The following BICC1 variants were observed in gnomAD, a reference collection of about 807,000 sequenced individuals.
The protein encoded by BICC1 is protein bicaudal C homolog 1.
A neutral mutation model predicts 111.0 loss-of-function variants in BICC1; 43 were observed. The ratio of observed to expected loss-of-function variants is 0.39; its 90% CI spans 0.30 to 0.50. The LOEUF is 0.50. Among genes scored for constraint, BICC1 ranks in the 20% least tolerant of loss-of-function variants. BICC1 has a pLI of 0.88. For synonymous variants in BICC1, 467 were observed against 434.4 expected (o/e 1.07, Z -0.93); for missense variants, 1,091 against 1,203.2 (o/e 0.91, Z 1.38).
chr10:58,560,236 C>G (rs1843566774), intron 1 of BICC1, among the ~76,000 whole-genome samples: 1 of 151,870 alleles, frequency 6.6e-6, no homozygotes, highest in African/African-American at 2.4e-5. Flanking sequence ...GACTCAATCT[C>G]CTTACTCATT....
chr10:58,648,490 T>G (rs1178219080), intron 2 of BICC1: 2 of 984,266 alleles, frequency 2.0e-6, no homozygotes, highest in Admixed American at 6.2e-5. Context: ...TACTCTTGTA[T>G]GCTGGCCACT....
intron 3 of BICC1, among the ~76,000 whole-genome samples, chr10:58,767,998 G>T (rs72804407): frequency 0.057 from 8,730 of 152,040 alleles, 585 homozygotes; most frequent in African/African-American, 0.17. Context: ...GTCTTCAAAG[G>T]AGAAAAGAAA....
intron 3 of BICC1, among the ~76,000 whole-genome samples, chr10:58,757,846 A>C (rs1664374666): frequency 6.6e-6 from 1 of 152,114 alleles, no homozygotes; most frequent in Admixed American, 6.5e-5. Flanking sequence ...TGTACAGCTG[A>C]CCTTTACATC....
intron 3 of BICC1, among the ~76,000 whole-genome samples, chr10:58,720,495 G>A (rs907541887): frequency 1.3e-5 from 2 of 152,218 alleles, no homozygotes; most frequent in African/African-American, 4.8e-5. Context: ...AAGAGTGCAA[G>A]TCACAGCTAA....
At chr10:58,627,272 A>C (rs901179578) in intron 2 of BICC1, among the ~76,000 whole-genome samples, 1 of 152,246 alleles carries the variant, frequency 6.6e-6, no homozygotes, top group African/African-American at 2.4e-5. Flanking sequence ...ATGAAATTGA[A>C]TTCATGAAAA....
At chr10:58,683,499 C>T (rs1430229531) in intron 2 of BICC1, among the ~76,000 whole-genome samples, 1 of 152,148 alleles carries the variant, frequency 6.6e-6, no homozygotes, top group Non-Finnish European at 1.5e-5. Context: ...GATATTGATT[C>T]TTCCTATCCA....
chr10:58,523,453 C>G (rs1842447044), intron 1 of BICC1, among the ~76,000 whole-genome samples: 1 of 152,138 alleles, frequency 6.6e-6, no homozygotes, highest in African/African-American at 2.4e-5. Flanking sequence ...CGACAAAAAC[C>G]ATATGATTAT....
chr10:58,648,759 G>A (rs1564530787), intron 2 of BICC1: 6 of 625,030 alleles, frequency 9.6e-6, no homozygotes, highest in Non-Finnish European at 1.2e-5. Flanking sequence ...TAATCATGAT[G>A]ACTCCTGATC....
chr10:58,608,964 C>T (rs532278403), intron 1 of BICC1, among the ~76,000 whole-genome samples: 1 of 152,306 alleles, frequency 6.6e-6, no homozygotes, highest in East Asian at 1.9e-4. Context: ...GAGAAAATAG[C>T]AAAACAGACT....
At chr10:58,802,394 G>T (rs903252327) in intron 14 of BICC1, among the ~76,000 whole-genome samples, 7 of 152,316 alleles carry the variant, frequency 4.6e-5, no homozygotes, top group African/African-American at 1.7e-4. Flanking sequence ...AAACAAAACA[G>T]TACTTGATTG....
chr10:58,817,514 T>C, intron 18 of BICC1, 48 bp from the exon 19 acceptor site: 1 of 1,604,940 alleles, frequency 6.2e-7, no homozygotes, highest in South Asian at 1.1e-5. Context: ...TAAACCATGT[T>C]CTCTCTGGGC....
rs575178424 is a variant in BICC1, at chr10:58,651,923, G to T, written c.237+31022G>T. Among the ~76,000 whole-genome samples the T allele has an allele frequency of 5.9e-5, 9 of 152,130 alleles. No homozygotes were observed. In the South Asian group the frequency reaches 1.9e-3, roughly 32 times the overall value. On this transcript the variant is annotated intron_variant, in intron 2 of 20. Transcript: ENST00000373886. The stretch of plus-strand genomic sequence containing the variant: ...TTTCTTGAGATAACAGGATTAAGAT[G>T]GTTGAAAAGTCATGTTAATTGCTCA...
intron 1 of BICC1, among the ~76,000 whole-genome samples, chr10:58,520,789 C>T (rs1224158519): frequency 2.0e-5 from 3 of 151,948 alleles, no homozygotes; most frequent in Non-Finnish European, 1.5e-5. Flanking sequence ...AAAGAAAAAC[C>T]AAGTCATCCC....
intron 3 of BICC1, among the ~76,000 whole-genome samples, chr10:58,730,597 CT>C (rs1185943923): frequency 6.6e-6 from 1 of 152,098 alleles, no homozygotes; most frequent in Non-Finnish European, 1.5e-5. Flanking sequence ...GGCTCTGCCC[CT>C]GTAGCAGGCT....
chr10:58,688,670 C>T (rs1385042807), intron 2 of BICC1, among the ~76,000 whole-genome samples: 1 of 152,138 alleles, frequency 6.6e-6, no homozygotes, highest in Non-Finnish European at 1.5e-5. Flanking sequence ...GAAAATATGG[C>T]ATATATACAC....
intron 3 of BICC1, among the ~76,000 whole-genome samples, chr10:58,744,972 A>G (rs749962776): frequency 6.6e-6 from 1 of 152,108 alleles, no homozygotes. Flanking sequence ...GAGTGTTTTT[A>G]TTTGGGCTAC....
chr10:58,637,198 C>A (rs530710768), intron 2 of BICC1, among the ~76,000 whole-genome samples: 1 of 152,108 alleles, frequency 6.6e-6, no homozygotes, highest in Non-Finnish European at 1.5e-5. Flanking sequence ...ATTTCCTTCT[C>A]GAGTGAAGAT....
intron 3 of BICC1, among the ~76,000 whole-genome samples, chr10:58,761,071 T>A (rs1285371370): frequency 6.6e-6 from 1 of 152,152 alleles, no homozygotes; most frequent in Non-Finnish European, 1.5e-5. Flanking sequence ...TTGGCCAGGC[T>A]GGTCTTGAAC....
chr10:58,543,865 C>T (rs1299204213), intron 1 of BICC1, among the ~76,000 whole-genome samples: 3 of 147,966 alleles, frequency 2.0e-5, no homozygotes, highest in African/African-American at 7.5e-5. Flanking sequence ...CACCTGTCTG[C>T]ATTCTGATAT....
Sources: allele counts gnomAD v4.1 joint callset (sites outside exome capture counted in the v4.1 genomes callset), GRCh38; gene constraint gnomAD v4.1.1; transcripts MANE v1.5; gene names NCBI Gene and HGNC (gene_info 2026-07-23, HGNC 2026-07-21).